Variants in MAGI3 observed in about 807,000 individuals in gnomAD.
MAGI3 encodes membrane associated guanylate kinase, WW and PDZ domain containing 3, also known as membrane-associated guanylate kinase, WW and PDZ domain-containing protein 3.
Under a neutral mutation model 121.8 loss-of-function variants are expected in MAGI3, and 43 were observed. The ratio of observed to expected loss-of-function variants is 0.35; its 90% confidence interval spans 0.28 to 0.46. MAGI3 has a LOEUF of 0.46. MAGI3 is among the 20% of genes least tolerant of loss of function. The pLI, the probability that MAGI3 is intolerant of heterozygous loss-of-function variation, is 1.00. For missense variants in MAGI3, 1,547 were observed against 1,797.3 expected (o/e 0.86, Z 2.52); for synonymous variants, 553 against 639.3 (o/e 0.86, Z 2.04).
chr1:113,677,346 G>A (rs552535035), intron 19 of MAGI3, among the ~76,000 whole-genome samples: 89 of 152,306 alleles, frequency 5.8e-4, no homozygotes, highest in African/African-American at 2.1e-3. Context: ...CTCTGAGATA[G>A]GTGACATTAT....
At chr1:113,478,472 A>G (rs769153393) in intron 1 of MAGI3, among the ~76,000 whole-genome samples, 1 of 152,112 alleles carries the variant, frequency 6.6e-6, no homozygotes, top group Non-Finnish European at 1.5e-5. Context: ...TTTTCCTTCT[A>G]ACAGTCAGTT....
intron 6 of MAGI3, among the ~76,000 whole-genome samples, chr1:113,613,831 A>C (rs2101774179): frequency 6.6e-6 from 1 of 152,312 alleles, no homozygotes; most frequent in South Asian, 2.1e-4. Context: ...AGGAATGCAG[A>C]CAAAGTGGGA....
intron 16 of MAGI3, among the ~76,000 whole-genome samples, chr1:113,664,412 CACAT>C (rs1337719735): frequency 6.6e-6 from 1 of 152,166 alleles, no homozygotes; most frequent in Non-Finnish European, 1.5e-5. Flanking sequence ...TTCTATAATA[CACAT>C]CTTCACATAT....
intron 19 of MAGI3, among the ~76,000 whole-genome samples, chr1:113,679,935 C>T (rs1035409525): frequency 2.0e-5 from 3 of 152,078 alleles, no homozygotes; most frequent in African/African-American, 7.2e-5. Flanking sequence ...GAACTCCCGA[C>T]CTCAGGTGAT....
At chr1:113,671,865 G>T (rs2101020993) in intron 17 of MAGI3, 29 bp downstream of exon 17, 1 of 1,596,820 alleles carries the variant, frequency 6.3e-7, no homozygotes, top group Non-Finnish European at 8.6e-7. Flanking sequence ...TTTTGTTTTT[G>T]TTTTTTTCTT....
chr1:113,642,243 T>A lies in MAGI3; in HGVS notation c.1693T>A (p.Ser565Thr). ...GPSDASEQRV[S>T]MASSGSSQPE... The stretch of plus-strand genomic sequence containing the variant: ...ATCAGATGCAAGTGAGCAGAGAGTA[T>A]CCATGGCATCGTCAGGCAGCTCCCA... The change falls in exon 10 of 21, where the codon TCC becomes ACC. Residue 565 changes from serine to threonine, a missense_variant. By Grantham distance (58) the Ser-to-Thr change is moderately conservative. Transcript: ENST00000307546. The A allele has an allele frequency of 6.2e-7, 1 of 1,614,076 alleles. No homozygotes were observed. Among genetic ancestry groups the A allele is most frequent in the Non-Finnish European group, 8.5e-7 (1 of 1,180,020 alleles).
chr1:113,543,751 C>G (rs1292716858), intron 1 of MAGI3, among the ~76,000 whole-genome samples: 1 of 151,874 alleles, frequency 6.6e-6, no homozygotes, highest in African/African-American at 2.4e-5. Flanking sequence ...GCCTGTGGTC[C>G]CAGCTACTTG....
At chr1:113,537,533 T>C (rs933694910) in intron 1 of MAGI3, among the ~76,000 whole-genome samples, 1 of 152,214 alleles carries the variant, frequency 6.6e-6, no homozygotes, top group Non-Finnish European at 1.5e-5. Context: ...CCTGCCGTGC[T>C]TTCTGATAGC....
intron 1 of MAGI3, among the ~76,000 whole-genome samples, chr1:113,398,278 ACT>A (rs1227581286): frequency 1.3e-5 from 2 of 151,820 alleles, no homozygotes; most frequent in African/African-American, 4.8e-5. Flanking sequence ...TGTTTTAGAG[ACT>A]CTGTATGGGT....
rs367945245 is a variant in MAGI3 at position 113,617,452 on chromosome 1, A to G, written c.1077-2284A>G. 2.9e-3 allele frequency among the ~76,000 whole-genome samples: 441 copies of G among 152,194 alleles called. 2 individuals carry two copies. Among genetic ancestry groups the G allele is most frequent in the African/African-American group, 9.2e-3 (382 of 41,546 alleles). ...AAAAGGACAGTATTTTCACTTTTTTATTTTTTGATTTTTTTTGAGTGGCAT... is the reference window on the plus strand; with the variant it reads ...AAAAGGACAGTATTTTCACTTTTTTGTTTTTTGATTTTTTTTGAGTGGCAT... On this transcript the variant is annotated intron_variant, in intron 7 of 20. Transcript: ENST00000307546.
At chr1:113,505,872 A>G (rs2101602639) in intron 1 of MAGI3, among the ~76,000 whole-genome samples, 1 of 152,254 alleles carries the variant, frequency 6.6e-6, no homozygotes, top group South Asian at 2.1e-4. Flanking sequence ...GATGAGTTCC[A>G]AAAGGTAGGT....
chr1:113,463,048 A>C (rs1655108189), intron 1 of MAGI3, among the ~76,000 whole-genome samples: 1 of 152,166 alleles, frequency 6.6e-6, no homozygotes, highest in South Asian at 2.1e-4. Context: ...ACCTCTAAGA[A>C]AGAATAAATT....
intron 13 of MAGI3, among the ~76,000 whole-genome samples, chr1:113,649,862 A>G (rs947355472): frequency 6.6e-5 from 10 of 152,202 alleles, no homozygotes; most frequent in Non-Finnish European, 1.3e-4. Flanking sequence ...GTCCAGAGGC[A>G]TAAGGGTTAT....
chr1:113,593,086 G>T (rs1217233), intron 5 of MAGI3, among the ~76,000 whole-genome samples: 111,983 of 152,040 alleles, frequency 0.74, 41,759 homozygotes, highest in African/African-American at 0.78. Flanking sequence ...AGTGGCTGCA[G>T]AGCTCTGCAA....
intron 1 of MAGI3, among the ~76,000 whole-genome samples, chr1:113,429,208 A>T (rs1461535967): frequency 6.6e-6 from 1 of 152,234 alleles, no homozygotes; most frequent in African/African-American, 2.4e-5. Flanking sequence ...GCATTTTTTC[A>T]TCACAGTTTA....
At chr1:113,582,909 T>C (rs1055969437) in intron 3 of MAGI3, among the ~76,000 whole-genome samples, 3 of 151,754 alleles carry the variant, frequency 2.0e-5, no homozygotes, top group Non-Finnish European at 4.4e-5. Flanking sequence ...AATACTATTC[T>C]GATACTACAG....
intron 1 of MAGI3, among the ~76,000 whole-genome samples, chr1:113,423,925 C>T (rs901350949): frequency 7.9e-5 from 12 of 152,160 alleles, no homozygotes; most frequent in African/African-American, 2.9e-4. Context: ...GTGTCAGCGC[C>T]ACCCCAAGTG....
chr1:113,510,852 C>T (rs577007502), intron 1 of MAGI3, among the ~76,000 whole-genome samples: 42 of 152,302 alleles, frequency 2.8e-4, no homozygotes, highest in African/African-American at 9.4e-4. Context: ...CATCTTCACA[C>T]GCACTGTTTG....
chr1:113,417,561 C>T (rs746171464), intron 1 of MAGI3, among the ~76,000 whole-genome samples: 13 of 152,062 alleles, frequency 8.5e-5, no homozygotes, highest in Non-Finnish European at 1.0e-4. Flanking sequence ...AATTTAAGAA[C>T]AGGACTTAAT....
Sources: allele counts gnomAD v4.1 joint callset (sites outside exome capture counted in the v4.1 genomes callset), GRCh38; gene constraint gnomAD v4.1.1; transcripts MANE v1.5; gene names NCBI Gene and HGNC (gene_info 2026-07-23, HGNC 2026-07-21).